MKLN1: variants seen among roughly 807,000 people sequenced by gnomAD.
The protein encoded by MKLN1 is muskelin.
In MKLN1, 18 loss-of-function variants were observed where a neutral mutation model predicts 99.0. That is an observed-to-expected ratio of 0.18 (90% confidence interval 0.13 to 0.27). MKLN1 has a LOEUF of 0.27. Among genes scored for constraint, MKLN1 ranks in the 10% least tolerant of loss-of-function variants. MKLN1 has a pLI of 1.00. For missense variants in MKLN1, 621 were observed against 875.9 expected (o/e 0.71, Z 3.67); for synonymous variants, 288 against 293.2 (o/e 0.98, Z 0.18).
intron 3 of MKLN1, chr7:131,310,269 A>G (rs181138447): frequency 6.6e-6 from 1 of 152,340 alleles, no homozygotes; most frequent in Admixed American, 6.5e-5. Context: ...TCTCATTTTA[A>G]TACCTCTCTG....
intron 2 of MKLN1, among the ~76,000 whole-genome samples, chr7:131,158,723 TAG>T (rs1486279444): frequency 6.6e-6 from 1 of 152,188 alleles, no homozygotes; most frequent in Non-Finnish European, 1.5e-5. Context: ...GAGCACATGG[TAG>T]AATAGAAAAT....
chr7:131,182,822 C>A (rs1198530990), intron 2 of MKLN1, among the ~76,000 whole-genome samples: 1 of 152,186 alleles, frequency 6.6e-6, no homozygotes, highest in East Asian at 1.9e-4. Context: ...TATACATAAT[C>A]TTTGCCTAGG....
intron 3 of MKLN1, among the ~76,000 whole-genome samples, chr7:131,248,454 A>T (rs1418810684): frequency 6.6e-6 from 1 of 152,202 alleles, no homozygotes; most frequent in African/African-American, 2.4e-5. Flanking sequence ...ACAACAAAAA[A>T]GTCAATATTA....
At chr7:131,416,897 T>C (rs960304827) in intron 8 of MKLN1, among the ~76,000 whole-genome samples, 2 of 149,604 alleles carry the variant, frequency 1.3e-5, no homozygotes, top group Non-Finnish European at 3.0e-5. Context: ...TCAGAAGGAT[T>C]GCTTGAGCCC....
In MKLN1 at chr7:131,175,218, TAGAG is replaced by T. The variant is rs750361730; in HGVS notation, c.-296-27629_-296-27626del. Among the ~76,000 whole-genome samples, 50 of 150,670 alleles carry T rather than the reference TAGAG, an allele frequency of 3.3e-4. 1 individual carries two copies. The highest frequency in any genetic ancestry group is 8.4e-4 in the South Asian group (4 of 4,764). On this transcript the variant is annotated intron_variant, in intron 2 of 7. Coordinates refer to the MKLN1 transcript ENST00000416992. Reference sequence around the variant, plus strand: ...TAGATAGATAGATAGAATGGATGGATAGAGAGAGAGAGATAGAATGGATGGATGG... The same window carrying T: ...TAGATAGATAGATAGAATGGATGGATAGAGAGAGATAGAATGGATGGATGG...
intron 1 of MKLN1, among the ~76,000 whole-genome samples, chr7:131,334,087 C>T (rs1439442215): frequency 6.6e-6 from 1 of 152,132 alleles, no homozygotes; most frequent in Non-Finnish European, 1.5e-5. Context: ...TTTACTTTAG[C>T]TTTTAAGTGA....
chr7:131,120,966 C>T (rs58334127), intron 1 of MKLN1, among the ~76,000 whole-genome samples: 2,529 of 152,238 alleles, frequency 0.017, 77 homozygotes, highest in African/African-American at 0.057. Context: ...AGTCTGTTCT[C>T]ACACTGTTAT....
At chr7:131,286,682 A>T (rs1474194918) in intron 3 of MKLN1, among the ~76,000 whole-genome samples, 3 of 152,246 alleles carry the variant, frequency 2.0e-5, no homozygotes, top group Non-Finnish European at 4.4e-5. Flanking sequence ...ATGGGCTACA[A>T]AGATGTACAA....
chr7:131,323,262 A>G (rs912593417), upstream of MKLN1: 1 of 152,224 alleles, frequency 6.6e-6, no homozygotes, highest in Non-Finnish European at 1.5e-5. Flanking sequence ...GCAGAAAGGG[A>G]TGAGTTCAGA....
chr7:131,179,080 T>TCAG (rs1796342304), intron 2 of MKLN1, among the ~76,000 whole-genome samples: 1 of 152,218 alleles, frequency 6.6e-6, no homozygotes, highest in Non-Finnish European at 1.5e-5. Context: ...ATAAATACCT[T>TCAG]TCTTGACTGA....
At chr7:131,179,786 G>A (rs1276922689) in intron 2 of MKLN1, among the ~76,000 whole-genome samples, 1 of 152,136 alleles carries the variant, frequency 6.6e-6, no homozygotes, top group African/African-American at 2.4e-5. Context: ...GTGTTAGCCA[G>A]GGTGGTCTTG....
At position 131,387,142 on chromosome 7, in the gene MKLN1, G is replaced by A. The variant is rs775566532; in HGVS notation, c.191G>A (p.Arg64Lys). 1 of 1,600,812 alleles carries A rather than the reference G, an allele frequency of 6.2e-7. No individual in the cohort carries two copies. The highest frequency in any genetic ancestry group is 1.7e-5 in the Admixed American group (1 of 57,208). Residue 64 changes from arginine to lysine, a missense_variant, in exon 3 of 18, where the codon AGG becomes AAG. By Grantham distance (26) the Arg-to-Lys change is conservative. Transcript: ENST00000352689. ...PPQYLILKLE[R>K]PAIVQNITFG... is the part of the protein sequence containing the mutation. ...TAGTACTTGATTCTAAAGCTCGAAA[G>A]GCCTGCTATAGTTCAGAATATCACA...
chr7:131,272,830 C>T (rs960119301), intron 3 of MKLN1, among the ~76,000 whole-genome samples: 5 of 152,124 alleles, frequency 3.3e-5, no homozygotes, highest in African/African-American at 1.2e-4. Flanking sequence ...AGACCAGCCC[C>T]CATGGTTCAA....
chr7:131,374,882 A>G (rs1472796741), intron 1 of MKLN1, among the ~76,000 whole-genome samples: 1 of 151,612 alleles, frequency 6.6e-6, no homozygotes, highest in Non-Finnish European at 1.5e-5. Flanking sequence ...TACATGTAAT[A>G]TGTATATATG....
intron 2 of MKLN1, among the ~76,000 whole-genome samples, chr7:131,170,886 A>G (rs1796204458): frequency 6.6e-6 from 1 of 152,204 alleles, no homozygotes; most frequent in African/African-American, 2.4e-5. Flanking sequence ...TTTTCCCTGC[A>G]TTGGAGCAGA....
intron 3 of MKLN1, among the ~76,000 whole-genome samples, chr7:131,258,273 C>A (rs768187911): frequency 2.6e-5 from 4 of 151,340 alleles, no homozygotes; most frequent in African/African-American, 4.9e-5. Flanking sequence ...TCTCCTCTTG[C>A]AGAATTGGAA....
chr7:131,325,445 C>T (rs1175375773), upstream of MKLN1, among the ~76,000 whole-genome samples: 1 of 152,134 alleles, frequency 6.6e-6, no homozygotes, highest in Admixed American at 6.5e-5. Flanking sequence ...AATCCCAGCA[C>T]TTTGGGAGGC....
intron 3 of MKLN1, among the ~76,000 whole-genome samples, chr7:131,388,087 A>T (rs1794084207): frequency 6.6e-6 from 1 of 152,170 alleles, no homozygotes; most frequent in Non-Finnish European, 1.5e-5. Context: ...GAATCACTTG[A>T]ACCTGGGAGT....
At chr7:131,466,791 C>T (rs1191356640) in intron 15 of MKLN1, among the ~76,000 whole-genome samples, 2 of 152,066 alleles carry the variant, frequency 1.3e-5, no homozygotes, top group Non-Finnish European at 2.9e-5. Flanking sequence ...TTGACTATAC[C>T]ATATCTTCCT....
Sources: allele counts gnomAD v4.1 joint callset (sites outside exome capture counted in the v4.1 genomes callset), GRCh38; gene constraint gnomAD v4.1.1; transcripts MANE v1.5; gene names NCBI Gene and HGNC (gene_info 2026-07-23, HGNC 2026-07-21).